FAF1: variants seen among roughly 807,000 people sequenced by gnomAD.
FAF1 encodes the protein FAS-associated factor 1.
A neutral mutation model predicts 92.5 loss-of-function variants in FAF1; 25 were observed. The observed-to-expected ratio is 0.27, with a 90% CI of 0.20 to 0.38. The LOEUF (loss-of-function observed/expected upper bound fraction) is 0.38, where lower values mean the gene tolerates loss of function less well. Ranked by LOEUF, FAF1 falls within the 10% of genes least tolerant of loss-of-function variation. FAF1 has a pLI of 1.00. For synonymous variants in FAF1, 234 were observed against 273.2 expected (o/e 0.86, Z 1.42); for missense variants, 636 against 793.3 (o/e 0.80, Z 2.38).
At chr1:50,787,965 T>A in intron 4 of FAF1, 35 bp downstream of exon 4, 1 of 1,547,678 alleles carries the variant, frequency 6.5e-7, no homozygotes, top group South Asian at 1.1e-5. Flanking sequence ...CCTAATTATT[T>A]ATTTGTGAAG....
intron 18 of FAF1, among the ~76,000 whole-genome samples, chr1:50,446,231 A>G (rs1241653842): frequency 1.3e-5 from 2 of 152,244 alleles, no homozygotes; most frequent in Admixed American, 1.3e-4. Context: ...GCAGCACTGC[A>G]TGTGCAACAC....
intron 3 of FAF1, among the ~76,000 whole-genome samples, chr1:50,798,354 C>T (rs995788924): frequency 2.3e-4 from 35 of 152,172 alleles, no homozygotes; most frequent in African/African-American, 8.4e-4. Context: ...AAATACCATC[C>T]ACTTAGTGAG....
At chr1:50,797,450 T>C (rs1235775826) in intron 3 of FAF1, among the ~76,000 whole-genome samples, 1 of 151,994 alleles carries the variant, frequency 6.6e-6, no homozygotes, top group Non-Finnish European at 1.5e-5. Context: ...CCTGTAATCC[T>C]AGCACTTTGT....
chr1:50,600,447 T>C (rs1652045282), intron 8 of FAF1, among the ~76,000 whole-genome samples: 1 of 152,138 alleles, frequency 6.6e-6, no homozygotes, highest in African/African-American at 2.4e-5. Flanking sequence ...ACAAAATGTA[T>C]AGTGGTAGGG....
In FAF1 at chr1:50,607,340, G is replaced by A. The variant is rs1652474216; in HGVS notation, c.745-11124C>T. 3.9e-5 allele frequency among the ~76,000 whole-genome samples: 6 copies of A among 152,160 alleles called. No individual in the cohort carries two copies. The South Asian group carries it at 1.0e-3, about 26-fold the overall frequency. ...TCTTATTCATTCTGTGACCTTGATCGACTTTCTTCTCTAAGTTTTATCACC... is the reference window on the plus strand; with the variant it reads ...TCTTATTCATTCTGTGACCTTGATCAACTTTCTTCTCTAAGTTTTATCACC... On this transcript the variant is annotated intron_variant, in intron 8 of 18. Coordinates refer to ENST00000396153, the MANE Select transcript of FAF1 (RefSeq NM_007051.3).
At chr1:50,893,644 C>T (rs1270779616) in intron 1 of FAF1, among the ~76,000 whole-genome samples, 2 of 152,116 alleles carry the variant, frequency 1.3e-5, no homozygotes, top group African/African-American at 4.8e-5. Flanking sequence ...AGACCTGATG[C>T]CAGCACAGTA....
chr1:50,589,617 T>C (rs1426854898), intron 9 of FAF1, among the ~76,000 whole-genome samples: 1 of 152,228 alleles, frequency 6.6e-6, no homozygotes, highest in Non-Finnish European at 1.5e-5. Context: ...TTTTCTCCCA[T>C]TCTGTGGGTT....
chr1:50,617,123 C>T (rs1417258663), intron 8 of FAF1, among the ~76,000 whole-genome samples: 1 of 152,130 alleles, frequency 6.6e-6, no homozygotes, highest in East Asian at 1.9e-4. Context: ...CATTTGGATG[C>T]CTTTCATTTC....
Position 50,655,477 on chromosome 1 carries a change from A to G in FAF1, c.709T>C (p.Trp237Arg). The G allele has an allele frequency of 6.2e-7, 1 of 1,613,950 alleles. No individual in the cohort carries two copies. The highest frequency in any genetic ancestry group is 8.5e-7 in the Non-Finnish European group (1 of 1,179,804). The change falls in exon 8 of 19, where the codon TGG (tryptophan) becomes CGG (arginine). Residue 237 changes from tryptophan (W) to arginine (R), a missense_variant. Coordinates refer to ENST00000396153, the MANE Select transcript of FAF1 (RefSeq NM_007051.3). ...LTSIPVRHQL[W>R]EGWPTSATDD... ...GTAGCAGAAGTTGGCCAGCCCTCCC[A>G]TAATTGGTGGCGAACGGGGATACTT...
intron 12 of FAF1, among the ~76,000 whole-genome samples, chr1:50,578,125 A>G (rs542730305): frequency 1.3e-5 from 2 of 152,350 alleles, no homozygotes; most frequent in African/African-American, 2.4e-5. Flanking sequence ...TAATGAGTAT[A>G]TAAGTTCAAA....
intron 2 of FAF1, among the ~76,000 whole-genome samples, chr1:50,848,861 T>A (rs1054224237): frequency 7.2e-5 from 11 of 152,112 alleles, no homozygotes; most frequent in Non-Finnish European, 5.9e-5. Flanking sequence ...TACAGAGACG[T>A]GAAAACTAAA....
chr1:50,642,916 C>T (rs1207712516), intron 8 of FAF1, among the ~76,000 whole-genome samples: 2 of 152,086 alleles, frequency 1.3e-5, no homozygotes, highest in Non-Finnish European at 2.9e-5. Flanking sequence ...TCTTGGCTCC[C>T]TGCAACCTCT....
chr1:50,866,807 T>C (rs766826133), intron 1 of FAF1, among the ~76,000 whole-genome samples: 13 of 151,958 alleles, frequency 8.6e-5, no homozygotes, highest in Non-Finnish European at 1.8e-4. Context: ...CAAAATACCA[T>C]CATCATTCTT....
At chr1:50,706,011 T>C (rs1010102311) in intron 6 of FAF1, 120 bp from the exon 7 acceptor site, 2 of 574,746 alleles carry the variant, frequency 3.5e-6, no homozygotes, top group Non-Finnish European at 6.3e-6. Context: ...CTGGGCCCAA[T>C]GTTATCATAT....
chr1:50,876,638 T>A (rs1207180498), intron 1 of FAF1, among the ~76,000 whole-genome samples: 1 of 152,146 alleles, frequency 6.6e-6, no homozygotes, highest in Non-Finnish European at 1.5e-5. Flanking sequence ...CAGGCTGGAG[T>A]GCAGTGGCGC....
intron 4 of FAF1, among the ~76,000 whole-genome samples, chr1:50,745,788 CAG>C (rs1243235093): frequency 6.6e-6 from 1 of 152,112 alleles, no homozygotes; most frequent in Non-Finnish European, 1.5e-5. Flanking sequence ...AACAAACTAA[CAG>C]AGAGAATTGC....
intron 5 of FAF1, among the ~76,000 whole-genome samples, chr1:50,742,758 T>C (rs1404484207): frequency 6.6e-6 from 1 of 152,204 alleles, no homozygotes; most frequent in African/African-American, 2.4e-5. Flanking sequence ...TTTTGGTGTT[T>C]TCTTTCTGTC....
chr1:50,485,522 C>T (rs1011351519), intron 17 of FAF1, among the ~76,000 whole-genome samples: 2 of 151,312 alleles, frequency 1.3e-5, no homozygotes, highest in East Asian at 1.9e-4. Flanking sequence ...ATTAGCCAGG[C>T]GTGGTGGCAG....
chr1:50,919,152 C>G (rs571686298), intron 1 of FAF1, among the ~76,000 whole-genome samples: 1 of 152,116 alleles, frequency 6.6e-6, no homozygotes, highest in African/African-American at 2.4e-5. Context: ...AGGTTTACCA[C>G]TAATTCTAAC....
Sources: gnomAD v4.1 joint callset for allele counts (sites outside exome capture counted in the v4.1 genomes callset) on GRCh38, gnomAD v4.1.1 for gene constraint, MANE v1.5 for transcripts, NCBI Gene and HGNC (gene_info 2026-07-23, HGNC 2026-07-21) for gene names.